UNC5C: variants seen among roughly 807,000 people sequenced by gnomAD.
UNC5C encodes unc-5 netrin receptor C.
UNC5C carries 47 observed loss-of-function variants against 99.8 expected under a neutral mutation model. The ratio of observed to expected loss-of-function variants is 0.47; its 90% CI spans 0.37 to 0.60. The LOEUF is 0.60. UNC5C is among the 20% of genes least tolerant of loss of function. The probability of loss-of-function intolerance (pLI) is 0.00; values close to 1 mark genes in which losing one functional copy is unlikely to be tolerated. For synonymous variants in UNC5C, 487 were observed against 452.2 expected (o/e 1.08, Z -0.98); for missense variants, 1,062 against 1,165.9 (o/e 0.91, Z 1.30).
intron 4 of UNC5C, among the ~76,000 whole-genome samples, chr4:95,267,736 A>T (rs924866241): frequency 3.3e-5 from 5 of 152,086 alleles, no homozygotes; most frequent in African/African-American, 1.2e-4. Flanking sequence ...TTGGACTATA[A>T]CCCCATCTCT....
chr4:95,381,232 ACAT>A (rs1372456186), intron 1 of UNC5C, among the ~76,000 whole-genome samples: 1 of 152,196 alleles, frequency 6.6e-6, no homozygotes. Context: ...TCATCACTGA[ACAT>A]CATAGTGCAT....
At chr4:95,428,863 A>G (rs994617983) in intron 1 of UNC5C, among the ~76,000 whole-genome samples, 1 of 152,112 alleles carries the variant, frequency 6.6e-6, no homozygotes, top group South Asian at 2.1e-4. Flanking sequence ...AAGCTGCTAC[A>G]GTTTTCTATC....
intron 4 of UNC5C, among the ~76,000 whole-genome samples, chr4:95,277,940 T>C (rs927070935): frequency 7.9e-5 from 12 of 152,184 alleles, no homozygotes; most frequent in African/African-American, 2.4e-4. Flanking sequence ...ATAATAAAAT[T>C]GATGGCACAT....
intron 1 of UNC5C, among the ~76,000 whole-genome samples, chr4:95,492,823 G>T (rs1202300174): frequency 6.6e-6 from 1 of 151,434 alleles, no homozygotes; most frequent in East Asian, 1.9e-4. Flanking sequence ...AAATAATTGT[G>T]ATTTTTTGCT....
chr4:95,418,881 T>TTCC (rs1168851254), intron 1 of UNC5C, among the ~76,000 whole-genome samples: 1 of 152,144 alleles, frequency 6.6e-6, no homozygotes, highest in African/African-American at 2.4e-5. Flanking sequence ...ACGAACTCCA[T>TTCC]TCCTCCTCCT....
intron 1 of UNC5C, among the ~76,000 whole-genome samples, chr4:95,413,103 T>C (rs1746046321): frequency 6.6e-6 from 1 of 152,186 alleles, no homozygotes; most frequent in African/African-American, 2.4e-5. Flanking sequence ...CTTCCCTCTT[T>C]ACCACACTCA....
intron 1 of UNC5C, among the ~76,000 whole-genome samples, chr4:95,351,409 A>G (rs1743987691): frequency 6.6e-6 from 1 of 151,462 alleles, no homozygotes; most frequent in Non-Finnish European, 1.5e-5. Flanking sequence ...GAATTACTCT[A>G]TTAATCAAAA....
chr4:95,236,565 T>C (rs1739123181), intron 7 of UNC5C, among the ~76,000 whole-genome samples: 1 of 150,474 alleles, frequency 6.6e-6, no homozygotes, highest in Non-Finnish European at 1.5e-5. Context: ...ACATGTGCCC[T>C]AGAACTTAAA....
At chr4:95,278,500 G>T (rs1242791190) in intron 3 of UNC5C, 138 bp from the exon 4 acceptor site, 40 of 653,120 alleles carry the variant, frequency 6.1e-5, no homozygotes, top group Non-Finnish European at 9.9e-5. Context: ...TTTGAGACAG[G>T]GTCTCACTCT....
chr4:95,436,118 A>G (rs1178544739), intron 1 of UNC5C, among the ~76,000 whole-genome samples: 1 of 151,904 alleles, frequency 6.6e-6, no homozygotes, highest in African/African-American at 2.4e-5. Flanking sequence ...TTCCAATAAT[A>G]TCCACAGATT....
chr4:95,434,236 C>CA (rs1254319165), intron 1 of UNC5C, among the ~76,000 whole-genome samples: 1 of 152,068 alleles, frequency 6.6e-6, no homozygotes, highest in Non-Finnish European at 1.5e-5. Context: ...CTTTCTTGGA[C>CA]ATTACTTGTT....
intron 1 of UNC5C, among the ~76,000 whole-genome samples, chr4:95,384,686 T>G (rs1240429458): frequency 6.6e-6 from 1 of 152,090 alleles, no homozygotes; most frequent in East Asian, 1.9e-4. Context: ...GATTTCCATT[T>G]GAAAATGACT....
At chr4:95,450,783 T>A (rs1251753020) in intron 1 of UNC5C, among the ~76,000 whole-genome samples, 4 of 152,218 alleles carry the variant, frequency 2.6e-5, no homozygotes, top group Admixed American at 2.6e-4. Context: ...TACATAGATA[T>A]CCTTGTCATC....
intron 1 of UNC5C, among the ~76,000 whole-genome samples, chr4:95,353,425 CATA>C (rs1560800472): frequency 6.6e-6 from 1 of 151,866 alleles, no homozygotes; most frequent in African/African-American, 2.4e-5. Flanking sequence ...TTATATATTT[CATA>C]ATATTATAAA....
chr4:95,260,871 T>A (rs1459789816), intron 4 of UNC5C, among the ~76,000 whole-genome samples: 1 of 152,162 alleles, frequency 6.6e-6, no homozygotes, highest in Non-Finnish European at 1.5e-5. Context: ...GTATGGTGCA[T>A]TCCAGGTCCC....
intron 14 of UNC5C, among the ~76,000 whole-genome samples, chr4:95,176,942 T>TA (rs1251927744): frequency 5.3e-5 from 7 of 131,262 alleles, no homozygotes; most frequent in Non-Finnish European, 1.1e-4. Context: ...TATAATCTCC[T>TA]GGTGTGCCGT....
Position 95,166,987 on chromosome 4 carries a change from T to A in UNC5C, c.*2247A>T, listed in dbSNP as rs2149341751. On this transcript the variant is annotated 3_prime_UTR_variant, in exon 16 of 16. Transcript: ENST00000453304. ...GTGGGCTGAGAGAGATTTTATAGAA[T>A]ATATGTATGTATGTCCAAAACAGAA... The A allele has an allele frequency of 1.0e-5, 1 of 99,270 alleles. No individual in the cohort carries two copies. The highest frequency in any genetic ancestry group is 3.8e-5 in the African/African-American group (1 of 26,574). 6.1% of individuals were successfully genotyped at this position (99,270 alleles called of 1,614,324 possible). A position where few individuals can be genotyped will look rare whatever the true frequency, so the allele number is the denominator to read the frequency against.
In UNC5C at chr4:95,169,397, T is replaced by A. The variant is rs1183608637; in HGVS notation, c.2633A>T (p.Tyr878Phe). ...GGATTTGGTGGCAAAGTAATTCAAG[T>A]ACCTGTAATTGGGAAAGAGAAAATG... is the stretch of plus-strand genomic sequence containing the variant. ...MLAHKLNLDR[Y>F]LNYFATKSSP... The change falls in exon 16 of 16, where the codon TAC becomes TTC. Residue 878 changes from tyrosine (Y) to phenylalanine (F), a missense_variant and splice_region_variant. By Grantham distance (22) the Tyr-to-Phe change is conservative. This residue lies in a region of UNC5C where 810 missense variants were observed against 854.5 expected (regional missense o/e 0.95). Transcript: ENST00000453304. 1 of 1,613,976 alleles carries A rather than the reference T, an allele frequency of 6.2e-7. No homozygotes were observed. The highest frequency in any genetic ancestry group is 1.1e-5 in the South Asian group (1 of 91,074).
chr4:95,333,326 G>A (rs1326394046), intron 2 of UNC5C, among the ~76,000 whole-genome samples: 1 of 152,144 alleles, frequency 6.6e-6, no homozygotes, highest in Non-Finnish European at 1.5e-5. Context: ...CAACCCAAAT[G>A]TCCAACAACG....
Sources: allele counts gnomAD v4.1 joint callset (sites outside exome capture counted in the v4.1 genomes callset), GRCh38; gene constraint gnomAD v4.1.1; regional missense constraint gnomAD v4.1.1; transcripts MANE v1.5; gene names NCBI Gene and HGNC (gene_info 2026-07-23, HGNC 2026-07-21).